The following FKBP1A variants were observed in gnomAD, a reference collection of about 807,000 sequenced individuals.
FKBP1A encodes FKBP prolyl isomerase 1A, also known as peptidyl-prolyl cis-trans isomerase FKBP1A.
Under a neutral mutation model 14.2 loss-of-function variants are expected in FKBP1A, and 5 were observed. The observed-to-expected ratio is 0.35, with a 90% CI of 0.18 to 0.74. The LOEUF is 0.74. Among genes scored for constraint, FKBP1A ranks in the 30% least tolerant of loss-of-function variants. The pLI is 0.56. For synonymous variants in FKBP1A, 42 were observed against 49.1 expected (o/e 0.86, Z 0.60); for missense variants, 53 against 138.8 (o/e 0.38, Z 3.10).
intron 2 of FKBP1A, among the ~76,000 whole-genome samples, chr20:1,384,487 G>C (rs981298590): frequency 6.6e-6 from 1 of 152,216 alleles, no homozygotes; most frequent in Admixed American, 6.5e-5. Context: ...AACTCCACTA[G>C]CAGAGCCATC....
intron 3 of FKBP1A, 110 bp from the exon 4 acceptor site, chr20:1,372,350 T>C: frequency 1.7e-6 from 2 of 1,199,606 alleles, no homozygotes; most frequent in South Asian, 1.5e-5. Context: ...GTATTGACTT[T>C]CCAGTGACTT....
At chr20:1,372,845 T>A (rs962696309) in intron 3 of FKBP1A, among the ~76,000 whole-genome samples, 1 of 152,252 alleles carries the variant, frequency 6.6e-6, no homozygotes, top group African/African-American at 2.4e-5. Context: ...TGGAAGGACA[T>A]ACCAGACATT....
chr20:1,390,454 G>A (rs1336140444), intron 2 of FKBP1A, among the ~76,000 whole-genome samples: 2 of 152,102 alleles, frequency 1.3e-5, no homozygotes, highest in African/African-American at 4.8e-5. Context: ...AGACTACTGA[G>A]GCAGTCAGGC....
intron 2 of FKBP1A, among the ~76,000 whole-genome samples, chr20:1,388,654 G>C (rs950761204): frequency 6.0e-5 from 9 of 149,600 alleles, no homozygotes; most frequent in Non-Finnish European, 1.0e-4. Flanking sequence ...GCCTGAGCTG[G>C]CACTCCACAC....
rs1248414429 is a variant in FKBP1A, at chr20:1,375,619, C to T, written c.86-16G>A. 15 of 1,534,496 alleles carry T rather than the reference C, an allele frequency of 9.8e-6. No individual in the cohort carries two copies. The highest frequency in any genetic ancestry group is 1.2e-5 in the Non-Finnish European group (13 of 1,107,518). ...TCAAGCATCCCTGTGAAAAAGACGACTGTAACATGAGCAGCAGAGTAATGA... is the reference window on the plus strand; with the variant it reads ...TCAAGCATCCCTGTGAAAAAGACGATTGTAACATGAGCAGCAGAGTAATGA... On this transcript the variant is annotated splice_polypyrimidine_tract_variant and intron_variant, in intron 2 of 4. Coordinates refer to ENST00000400137, the MANE Select transcript of FKBP1A (RefSeq NM_000801.5).
At chr20:1,372,448 G>A (rs906484773) in intron 3 of FKBP1A, among the ~76,000 whole-genome samples, 1 of 152,154 alleles carries the variant, frequency 6.6e-6, no homozygotes, top group African/African-American at 2.4e-5. Flanking sequence ...ACTCCAAGAA[G>A]CCCAATGGCA....
At chr20:1,380,001 G>C (rs959252713) in intron 2 of FKBP1A, among the ~76,000 whole-genome samples, 1 of 152,156 alleles carries the variant, frequency 6.6e-6, no homozygotes, top group Non-Finnish European at 1.5e-5. Flanking sequence ...AACAGATAGT[G>C]AGAACTTCCA....
Position 1,383,684 on chromosome 20 carries a change from T to TAAAA in FKBP1A, c.86-8085_86-8082dup, listed in dbSNP as rs34991787. Reference sequence around the variant, plus strand: ...CCCCAATCCTGTTTCTGCAAAAAATTAAAAAAAAAAAAAAAAAAATTTAGC... The same window carrying TAAAA: ...CCCCAATCCTGTTTCTGCAAAAAATTAAAAAAAAAAAAAAAAAAAAAAATTTAGC... On this transcript the variant is annotated intron_variant, in intron 2 of 4. Transcript: ENST00000400137. 7.7e-4 allele frequency among the ~76,000 whole-genome samples: 96 copies of TAAAA among 125,276 alleles called. 1 individual carries two copies. Among genetic ancestry groups the TAAAA allele is most frequent in the African/African-American group, 2.0e-3 (65 of 31,726 alleles). 82.2% of individuals were successfully genotyped at this position (125,276 alleles called of 152,430 possible).
At chr20:1,378,037 C>T (rs551518758) in intron 2 of FKBP1A, 2 of 134,150 alleles carry the variant, frequency 1.5e-5, no homozygotes, top group South Asian at 4.8e-4. Flanking sequence ...CCAAGCCCTT[C>T]CCCTATACGG....
chr20:1,371,618 C>G, intron 4 of FKBP1A: 1 of 716,170 alleles, frequency 1.4e-6, no homozygotes. Flanking sequence ...CCACAAACCA[C>G]AGTGAAGAGA....
At chr20:1,376,883 C>G (rs957835090) in intron 2 of FKBP1A, 11 of 152,204 alleles carry the variant, frequency 7.2e-5, no homozygotes, top group African/African-American at 2.7e-4. Flanking sequence ...GAACAGACAT[C>G]TGCAATAGAT....
At chr20:1,388,578 GAA>G (rs774449022) in intron 2 of FKBP1A, among the ~76,000 whole-genome samples, 1 of 152,212 alleles carries the variant, frequency 6.6e-6, no homozygotes, top group Non-Finnish European at 1.5e-5. Flanking sequence ...GTCAAGATCA[GAA>G]CACAGCGAAG....
At position 1,369,943 on chromosome 20, in the gene FKBP1A, A is replaced by G. The variant is rs2089440241; in HGVS notation, c.*166T>C. On this transcript the variant is annotated 3_prime_UTR_variant, in exon 5 of 5. Coordinates refer to ENST00000400137, the MANE Select transcript of FKBP1A (RefSeq NM_000801.5). ...GGGAAGAGGAAACAGAGGTGTCGGA[A>G]GCAAAGCTGAGTGACAGAACACATT... 1.4e-6 allele frequency: 2 copies of G among 1,438,036 alleles called. No individual in the cohort carries two copies. The highest frequency in any genetic ancestry group is 1.9e-6 in the Non-Finnish European group (2 of 1,062,276). 89.1% of individuals were successfully genotyped at this position (1,438,036 alleles called of 1,614,324 possible). A position where few individuals can be genotyped will look rare whatever the true frequency, so the allele number is the denominator to read the frequency against.
intron 2 of FKBP1A, among the ~76,000 whole-genome samples, chr20:1,383,248 T>TCATGA (rs1326159588): frequency 6.6e-6 from 1 of 151,974 alleles, no homozygotes; most frequent in Admixed American, 6.6e-5. Flanking sequence ...TAGTGAAAGC[T>TCATGA]CATGACTCAC....
Position 1,392,985 on chromosome 20 carries a change from AC to A in FKBP1A, c.13del (p.Val5TrpfsTer47). The A allele has an allele frequency of 6.7e-7, 1 of 1,483,522 alleles. No individual in the cohort carries two copies. Among genetic ancestry groups the A allele is most frequent in the Non-Finnish European group, 8.9e-7 (1 of 1,123,440 alleles). 91.9% of individuals were successfully genotyped at this position (1,483,522 alleles called of 1,614,324 possible). A position where few individuals can be genotyped will look rare whatever the true frequency, so the allele number is the denominator to read the frequency against. On this transcript the variant is annotated frameshift_variant, in exon 1 of 5. Coordinates refer to ENST00000400137, the MANE Select transcript of FKBP1A (RefSeq NM_000801.5). LOFTEE classifies it high-confidence loss of function. Reference protein sequence around the residue: MGVQVETISPGDGRT... With the variant: MGVQXETISPGDGRT... ...ACCGTCTCCTGGGGAGATGGTTTCC[AC>A]CTGCACTCCCATGGCGGCGGCGGAC...
At chr20:1,377,690 A>G (rs1020603296) in intron 2 of FKBP1A, 4 of 152,300 alleles carry the variant, frequency 2.6e-5, no homozygotes, top group Admixed American at 6.5e-5. Context: ...GGGTGAGAGC[A>G]GGCAATGAAC....
At chr20:1,378,196 C>G (rs945456764) in intron 2 of FKBP1A, 27 of 152,236 alleles carry the variant, frequency 1.8e-4, no homozygotes, top group African/African-American at 4.6e-4. Flanking sequence ...ATGTCTGGAG[C>G]ATGGCAGTCA....
At chr20:1,380,765 C>T (rs1350744751) in intron 2 of FKBP1A, among the ~76,000 whole-genome samples, 1 of 152,176 alleles carries the variant, frequency 6.6e-6, no homozygotes, top group Non-Finnish European at 1.5e-5. Flanking sequence ...ACAGGACCCA[C>T]AATGAGGAGA....
In FKBP1A at chr20:1,369,978, C is replaced by T. The variant is rs2089440882; in HGVS notation, c.*131G>A. 9 of 1,539,088 alleles carry T rather than the reference C, an allele frequency of 5.8e-6. No homozygotes were observed. The highest frequency in any genetic ancestry group is 1.4e-5 in the African/African-American group (1 of 72,788). On this transcript the variant is annotated 3_prime_UTR_variant, in exon 5 of 5. Coordinates refer to ENST00000400137, the MANE Select transcript of FKBP1A (RefSeq NM_000801.5). Reference sequence around the variant, plus strand: ...AGTGACAGAACACATTCAGTCAGGGCAGATGTCTATACAAAGTGGAGTGGA... The same window carrying T: ...AGTGACAGAACACATTCAGTCAGGGTAGATGTCTATACAAAGTGGAGTGGA...
Sources: gnomAD v4.1 joint callset for allele counts (sites outside exome capture counted in the v4.1 genomes callset) on GRCh38, gnomAD v4.1.1 for gene constraint, MANE v1.5 for transcripts, NCBI Gene and HGNC (gene_info 2026-07-23, HGNC 2026-07-21) for gene names.